Variants in HSPG2 observed in about 807,000 individuals in gnomAD.
The protein encoded by HSPG2 is basement membrane-specific heparan sulfate proteoglycan core protein.
A neutral mutation model predicts 526.6 loss-of-function variants in HSPG2; 278 were observed. The observed-to-expected ratio is 0.53, with a 90% CI of 0.48 to 0.58. The LOEUF (loss-of-function observed/expected upper bound fraction) is 0.58. Ranked by LOEUF, HSPG2 falls within the 20% of genes least tolerant of loss-of-function variation. The pLI, the probability that HSPG2 is intolerant of heterozygous loss-of-function variation, is 0.00. For missense variants in HSPG2, 5,354 were observed against 6,099.5 expected (o/e 0.88, Z 4.07); for synonymous variants, 2,465 against 2,555.4 (o/e 0.96, Z 1.07).
intron 77 of HSPG2, 92 bp downstream of exon 77, chr1:21,834,587 A>G: frequency 6.9e-7 from 1 of 1,455,616 alleles, no homozygotes; most frequent in Non-Finnish European, 9.5e-7. Flanking sequence ...GTGAACAGAA[A>G]GGAAGAGCAG....
intron 1 of HSPG2, among the ~76,000 whole-genome samples, chr1:21,923,235 C>T (rs976745767): frequency 2.0e-5 from 3 of 152,068 alleles, no homozygotes; most frequent in Non-Finnish European, 2.9e-5. Flanking sequence ...GGTGAAACCC[C>T]ATCTCTACTA....
chr1:21,887,861 G>A lies in HSPG2; in HGVS notation c.703+77C>T. ...GCACCAAACCCTCATAGTCCTTGATGGGCTCCAAGACCCAGGTGTAGGACC... is the reference window on the plus strand; with the variant it reads ...GCACCAAACCCTCATAGTCCTTGATAGGCTCCAAGACCCAGGTGTAGGACC... On this transcript the variant is annotated intron_variant, in intron 7 of 96. Coordinates refer to ENST00000374695, the MANE Select transcript of HSPG2 (RefSeq NM_005529.7). The surrounding 1 kb of genome is among the most constrained non-coding windows in gnomAD (Gnocchi z 5.0). 1 of 1,604,534 alleles carries A rather than the reference G, an allele frequency of 6.2e-7. No individual in the cohort carries two copies. Among genetic ancestry groups the A allele is most frequent in the Non-Finnish European group, 8.5e-7 (1 of 1,173,288 alleles).
intron 95 of HSPG2, 137 bp from the exon 96 acceptor site, chr1:21,823,856 C>A (rs759348933): frequency 6.3e-6 from 5 of 788,510 alleles, no homozygotes; most frequent in Admixed American, 2.0e-5. Flanking sequence ...TTCTTTCCCC[C>A]GCTGAACGAG....
In HSPG2 at chr1:21,824,770, C is replaced by T. The variant is rs1202075698; in HGVS notation, c.12599G>A (p.Gly4200Glu). The T allele has an allele frequency of 1.2e-6, 2 of 1,612,520 alleles. No individual in the cohort carries two copies. The highest frequency in any genetic ancestry group is 1.7e-6 in the Non-Finnish European group (2 of 1,179,460). Residue 4200 changes from glycine (G) to glutamate (E), a missense_variant, in exon 92 of 97, where the codon GGG becomes GAG. Physicochemically the swap from Gly to Glu is moderately conservative, Grantham distance 98. Transcript: ENST00000374695. The surrounding 1 kb of genome is among the most constrained non-coding windows in gnomAD (Gnocchi z 5.9). ...LEGSGGNDAP[G>E]QYGAYFHDDG... Reference sequence around the variant, plus strand: ...ATCGTGGAAATAGGCTCCGTACTGCCCAGGGGCATCTGTGGGAGAGAGGAG... The same window carrying T: ...ATCGTGGAAATAGGCTCCGTACTGCTCAGGGGCATCTGTGGGAGAGAGGAG...
intron 20 of HSPG2, 75 bp from the exon 21 acceptor site, chr1:21,878,328 G>A: frequency 6.3e-7 from 1 of 1,580,682 alleles, no homozygotes; most frequent in Non-Finnish European, 8.6e-7. Flanking sequence ...GAGGAACAGT[G>A]GCTCCCCAAG....
At chr1:21,879,817 T>C (rs1016203584) in intron 17 of HSPG2, among the ~76,000 whole-genome samples, 5 of 152,228 alleles carry the variant, frequency 3.3e-5, no homozygotes, top group African/African-American at 1.2e-4. Flanking sequence ...CACGCCTGGC[T>C]AATTTTTGTA....
intron 91 of HSPG2, chr1:21,825,180 T>A (rs528078597): frequency 2.6e-4 from 75 of 290,070 alleles, no homozygotes; most frequent in Non-Finnish European, 3.0e-4. Context: ...TGTTATTTGA[T>A]GTGTTAATAA....
At position 21,850,293 on chromosome 1, in the gene HSPG2, C is replaced by T. The variant is rs998778593; in HGVS notation, c.7294+70G>A. ...GCAGTCTGCGGCTTGGCCTCCTGATCCTGCCGTTGCAAGAGTGGGGGGCCT... is the reference window on the plus strand; with the variant it reads ...GCAGTCTGCGGCTTGGCCTCCTGATTCTGCCGTTGCAAGAGTGGGGGGCCT... On this transcript the variant is annotated intron_variant, in intron 56 of 96. Transcript: ENST00000374695. 6.2e-6 allele frequency: 10 copies of T among 1,607,968 alleles called. No individual in the cohort carries two copies. The African/African-American group carries it at 9.4e-5, about 15-fold the overall frequency.
chr1:21,828,542 T>C lies in HSPG2; in HGVS notation c.12238-116A>G. 1 of 1,109,094 alleles carries C rather than the reference T, an allele frequency of 9.0e-7. No homozygotes were observed. The highest frequency in any genetic ancestry group is 1.3e-6 in the Non-Finnish European group (1 of 759,836). The allele number at this position is 1,109,094 out of a possible 1,614,324, so 68.7% of individuals were successfully genotyped here. A position where few individuals can be genotyped will look rare whatever the true frequency, so the allele number is the denominator to read the frequency against. ...CTGGGAGCCCACATTGGGCCCTGAGTGGTAGCATGGATTCTCGGTGTGGGG... is the reference window on the plus strand; with the variant it reads ...CTGGGAGCCCACATTGGGCCCTGAGCGGTAGCATGGATTCTCGGTGTGGGG... On this transcript the variant is annotated intron_variant, in intron 88 of 96. Coordinates refer to ENST00000374695, the MANE Select transcript of HSPG2 (RefSeq NM_005529.7). The surrounding 1 kb of genome is among the most constrained non-coding windows in gnomAD (Gnocchi z 6.0).
chr1:21,872,189 G>T lies in HSPG2; in HGVS notation c.4218C>A (p.Asp1406Glu). The T allele has an allele frequency of 6.4e-7, 1 of 1,551,726 alleles. No individual in the cohort carries two copies. Among genetic ancestry groups the T allele is most frequent in the Non-Finnish European group, 8.7e-7 (1 of 1,147,020 alleles). The change falls in exon 33 of 97, where the codon GAC becomes GAA. Residue 1406 changes from aspartate (D) to glutamate (E), a missense_variant. Transcript: ENST00000374695. The surrounding 1 kb of genome is among the most constrained non-coding windows in gnomAD (Gnocchi z 5.5). ...YWQLPETYQG[D>E]KVAAYGGKLR... ...CTGGTGCTTGGCTGGGGCCCACCTT[G>T]TCTCCCTGGTATGTCTCCGGCAGCT...
chr1:21,889,801 G>A (rs1466569361), intron 6 of HSPG2, 180 bp downstream of exon 6: 2 of 678,360 alleles, frequency 2.9e-6, no homozygotes, highest in Non-Finnish European at 5.3e-6. Context: ...ATGTGCTAGA[G>A]GAAACAGTCT....
At chr1:21,905,578 C>A (rs1643338899) in intron 1 of HSPG2, among the ~76,000 whole-genome samples, 1 of 152,204 alleles carries the variant, frequency 6.6e-6, no homozygotes. Context: ...CCCATCTCTA[C>A]TAAAAATACA....
In HSPG2 at chr1:21,834,788, T is replaced by G. The variant is rs767216001; in HGVS notation, c.10611A>C (p.Gly3537=). The G allele has an allele frequency of 6.2e-7, 1 of 1,614,138 alleles. No homozygotes were observed. The highest frequency in any genetic ancestry group is 8.5e-7 in the Non-Finnish European group (1 of 1,180,006). ...CTACGTGGGCGATCCTGACGACACC[T>G]CCGCTCTGCACAATGCCTGGCCGCA... ...GHLRPGIVQS[G]GVVRIAHVEL... is the part of the protein sequence containing the mutation. The change falls in exon 77 of 97, where the codon GGA becomes GGC. Residue 3537 remains glycine (G), a synonymous_variant. Coordinates refer to ENST00000374695, the MANE Select transcript of HSPG2 (RefSeq NM_005529.7).
In HSPG2 at chr1:21,857,182, G is replaced by T. The variant is rs1457881757; in HGVS notation, c.5408C>A (p.Thr1803Asn). The change falls in exon 44 of 97, where the codon ACC becomes AAC. Residue 1803 changes from threonine to asparagine, a missense_variant. Transcript: ENST00000374695. ...GTTGTGCAGGCGGGTCCACACCAGG[G>T]TATAGGCTGGGGACTGCAGGGCAAG... ...CTAKSKSPAY[T>N]LVWTRLHNGK... The T allele has an allele frequency of 6.2e-7, 1 of 1,614,166 alleles. No homozygotes were observed. The highest frequency in any genetic ancestry group is 8.5e-7 in the Non-Finnish European group (1 of 1,180,032).
chr1:21,934,716 C>T (rs1323502995), intron 1 of HSPG2, among the ~76,000 whole-genome samples: 2 of 151,870 alleles, frequency 1.3e-5, no homozygotes, highest in Admixed American at 6.6e-5. Flanking sequence ...CTGCCTCAGC[C>T]TCCGGAGTAG....
rs2152692322 is a variant in HSPG2 at position 21,831,108 on chromosome 1, G to C, written c.11563-18C>G. On this transcript the variant is annotated intron_variant, in intron 84 of 96. Coordinates refer to ENST00000374695, the MANE Select transcript of HSPG2 (RefSeq NM_005529.7). ...CCGCCATTCTGCAAAGCAGCCCCCAGAAGTAAGGCCGAGAACATTCAGTAC... is the reference window on the plus strand; with the variant it reads ...CCGCCATTCTGCAAAGCAGCCCCCACAAGTAAGGCCGAGAACATTCAGTAC... The C allele has an allele frequency of 6.2e-7, 1 of 1,609,322 alleles. No individual in the cohort carries two copies. The highest frequency in any genetic ancestry group is 2.2e-5 in the East Asian group (1 of 44,814).
At position 21,892,234 on chromosome 1, in the gene HSPG2, G is replaced by A. The variant is rs1048906561; in HGVS notation, c.245-1540C>T. Among the ~76,000 whole-genome samples the A allele has an allele frequency of 2.6e-5, 4 of 152,272 alleles. No individual in the cohort carries two copies. In the South Asian group the frequency reaches 8.3e-4, roughly 31 times the overall value. The stretch of plus-strand genomic sequence containing the variant: ...GGTGCCGGGTGGGCGGGGCTCTGTG[G>A]GCTGGAGTGTGGGGGCCATGGCTCA... On this transcript the variant is annotated intron_variant, in intron 3 of 96. Transcript: ENST00000374695.
Position 21,841,264 on chromosome 1 carries a change from A to G in HSPG2, c.9350T>C (p.Leu3117Pro). 1 of 1,613,758 alleles carries G rather than the reference A, an allele frequency of 6.2e-7. No individual in the cohort carries two copies. The highest frequency in any genetic ancestry group is 8.5e-7 in the Non-Finnish European group (1 of 1,180,014). Residue 3117 changes from leucine to proline, a missense_variant, in exon 71 of 97, where the codon CTC (leucine) becomes CCC (proline). Coordinates refer to ENST00000374695, the MANE Select transcript of HSPG2 (RefSeq NM_005529.7). ...SVHGPPTVSV[L>P]PEGPVWVKVG... is the part of the protein sequence containing the mutation. ...TTTCACCCACACGGGGCCCTCGGGG[A>G]GCACGGACACTGTAGGGGGCCCTGT...
intron 1 of HSPG2, among the ~76,000 whole-genome samples, 160 bp from the exon 2 acceptor site, chr1:21,896,470 C>G (rs1642755070): frequency 1.3e-5 from 2 of 152,178 alleles, no homozygotes; most frequent in Admixed American, 6.5e-5. Flanking sequence ...GGGGCTGAAC[C>G]CTTTTGATTC....
Sources: allele counts gnomAD v4.1 joint callset (sites outside exome capture counted in the v4.1 genomes callset), GRCh38; gene constraint gnomAD v4.1.1; non-coding constraint Gnocchi (gnomAD v3.1); transcripts MANE v1.5; gene names NCBI Gene and HGNC (gene_info 2026-07-23, HGNC 2026-07-21).